The following AKAP12 variants were observed in gnomAD, a reference collection of about 807,000 sequenced individuals.
AKAP12 encodes A-kinase anchor protein 12.
AKAP12 carries 32 observed loss-of-function variants against 79.9 expected under a neutral mutation model. The observed-to-expected ratio is 0.40, with a 90% CI of 0.30 to 0.54. The LOEUF is 0.54. Ranked by LOEUF, AKAP12 falls within the 20% of genes least tolerant of loss-of-function variation. The pLI is 0.48. For missense variants in AKAP12, 2,074 were observed against 2,177.0 expected, an observed-to-expected ratio of 0.95 and a Z score of 0.94; for synonymous variants, 808 against 857.0, an observed-to-expected ratio of 0.94 and a Z score of 1.00.
In AKAP12 at chr6:151,353,430, G is replaced by T. The variant is rs757099617; in HGVS notation, c.5039G>T (p.Gly1680Val). 1 of 1,614,066 alleles carries T rather than the reference G, an allele frequency of 6.2e-7. No homozygotes were observed. Among genetic ancestry groups the T allele is most frequent in the African/African-American group, 1.3e-5 (1 of 74,916 alleles). ...AGTKSVPEDD[G>V]HALLAERIEK... ...ACAAAGTCTGTGCCAGAAGATGATGGTCATGCCTTGTTAGCAGAAAGAATA... is the reference window on the plus strand; with the variant it reads ...ACAAAGTCTGTGCCAGAAGATGATGTTCATGCCTTGTTAGCAGAAAGAATA... The change falls in exon 4 of 5, where the codon GGT becomes GTT. Residue 1680 changes from glycine (G) to valine (V), a missense_variant. Transcript: ENST00000402676.
intron 2 of AKAP12, chr6:151,280,683 G>GTTGCCCAGGCTGGAGGGACACA (rs1776386852): frequency 1.2e-5 from 1 of 85,186 alleles, no homozygotes; most frequent in African/African-American, 4.7e-5. Flanking sequence ...CCTTCCTCTT[G>GTTGCCCAGGCTGGAGGGACACA]TTGCCCAGGC....
At position 151,351,153 on chromosome 6, in the gene AKAP12, C is replaced by G. The variant is rs751635965; in HGVS notation, c.2762C>G (p.Pro921Arg). 1.2e-6 allele frequency: 2 copies of G among 1,614,086 alleles called. No individual in the cohort carries two copies. Among genetic ancestry groups the G allele is most frequent in the African/African-American group, 1.3e-5 (1 of 74,912 alleles). ...PSWISASVTE[P>R]LEQVEAEAAL... The stretch of plus-strand genomic sequence containing the variant: ...TGGATATCTGCTTCAGTGACAGAAC[C>G]TCTTGAACAAGTAGAAGCTGAAGCC... Residue 921 changes from proline to arginine, a missense_variant, in exon 4 of 5, where the codon CCT (proline) becomes CGT (arginine). Transcript: ENST00000402676. This position sits in a 1 kb window ranked among gnomAD's most constrained non-coding sequence, Gnocchi z 4.4.
At chr6:151,290,627 T>C (rs1302648742) in intron 2 of AKAP12, among the ~76,000 whole-genome samples, 1 of 151,248 alleles carries the variant, frequency 6.6e-6, no homozygotes, top group East Asian at 1.9e-4. Context: ...TTTTTTGAGA[T>C]GGAGTTTCAC....
Position 151,350,172 on chromosome 6 carries a change from A to C in AKAP12, c.1781A>C (p.Glu594Ala). Reference protein sequence around the residue: ...AEVQQDGEAEEGATSDGEKKR... With the variant: ...AEVQQDGEAEAGATSDGEKKR... ...GTGCAGCAGGATGGGGAAGCTGAAG[A>C]AGGAGCTACTTCCGATGGAGAGAAA... Residue 594 changes from glutamate (E) to alanine (A), a missense_variant, in exon 4 of 5, where the codon GAA (glutamate) becomes GCA (alanine). Glu to Ala is a moderately radical substitution (Grantham distance 107). This residue lies in a region of AKAP12 where 1,428 missense variants were observed against 1,451.0 expected (regional missense o/e 0.98). Coordinates refer to ENST00000402676, the MANE Select transcript of AKAP12 (RefSeq NM_005100.4). The surrounding 1 kb of genome is among the most constrained non-coding windows in gnomAD (Gnocchi z 4.8). 6.2e-7 allele frequency: 1 copy of C among 1,614,002 alleles called. No individual in the cohort carries two copies. The highest frequency in any genetic ancestry group is 1.1e-5 in the South Asian group (1 of 91,060).
intron 2 of AKAP12, among the ~76,000 whole-genome samples, chr6:151,304,319 T>C (rs1200219735): frequency 1.3e-5 from 2 of 151,094 alleles, no homozygotes; most frequent in South Asian, 2.1e-4. Context: ...GCAAACCACG[T>C]CTCTACTAAA....
Position 151,348,807 on chromosome 6 carries a change from A to G in AKAP12, c.416A>G (p.Gln139Arg). ...GTTCACGACATCACAGATGATGGGC[A>G]GGAGGAGACACCCGAAATAATCGAA... ...AVVHDITDDG[Q>R]EETPEIIEQI... is the part of the protein sequence containing the mutation. The change falls in exon 4 of 5, where the codon CAG (glutamine) becomes CGG (arginine). Residue 139 changes from glutamine (Q) to arginine (R), a missense_variant. Physicochemically the swap from Gln to Arg is conservative, Grantham distance 43. Transcript: ENST00000402676. The G allele has an allele frequency of 6.2e-7, 1 of 1,613,978 alleles. No individual in the cohort carries two copies. The highest frequency in any genetic ancestry group is 8.5e-7 in the Non-Finnish European group (1 of 1,180,016).
chr6:151,327,645 A>T (rs1398237362), intron 3 of AKAP12, among the ~76,000 whole-genome samples: 1 of 152,234 alleles, frequency 6.6e-6, no homozygotes, highest in Non-Finnish European at 1.5e-5. Flanking sequence ...AAAGGTTAAT[A>T]AACTGGGAGC....
At chr6:151,344,330 C>T (rs1228530043) in intron 3 of AKAP12, among the ~76,000 whole-genome samples, 2 of 152,088 alleles carry the variant, frequency 1.3e-5, no homozygotes, top group African/African-American at 4.8e-5. Context: ...GAAGCAAAGG[C>T]CCTTATTGAG....
intron 3 of AKAP12, among the ~76,000 whole-genome samples, chr6:151,315,610 C>A (rs1410380417): frequency 1.3e-5 from 2 of 152,166 alleles, no homozygotes; most frequent in African/African-American, 4.8e-5. Flanking sequence ...GAGTGTAAAA[C>A]AATTTCAGTG....
rs1406204789 is a variant in AKAP12, at chr6:151,358,450, A to AT, written c.*2738dup. 6.6e-6 allele frequency: 1 copy of AT among 152,234 alleles called. No individual in the cohort carries two copies. Among genetic ancestry groups the AT allele is most frequent in the Non-Finnish European group, 1.5e-5 (1 of 68,040 alleles). The allele number at this position is 152,234 out of a possible 1,614,324, so 9.4% of individuals were successfully genotyped here. A position where few individuals can be genotyped will look rare whatever the true frequency, so the allele number is the denominator to read the frequency against. Reference sequence around the variant, plus strand: ...TTCAATATAAGCTTCCAGCTTAGCAATTACCTCTAGTCGAAGACAATATTT... The same window carrying AT: ...TTCAATATAAGCTTCCAGCTTAGCAATTTACCTCTAGTCGAAGACAATATTT... On this transcript the variant is annotated 3_prime_UTR_variant, in exon 5 of 5. Transcript: ENST00000402676.
At chr6:151,266,937 A>G (rs1295602433) in intron 2 of AKAP12, among the ~76,000 whole-genome samples, 1 of 148,662 alleles carries the variant, frequency 6.7e-6, no homozygotes, top group African/African-American at 2.5e-5. Flanking sequence ...GAATGGCGTG[A>G]ACCCGGGAGG....
At chr6:151,304,488 CAAAAAAAAAAAA>C (rs1157088954) in intron 2 of AKAP12, among the ~76,000 whole-genome samples, 57 of 46,008 alleles carry the variant, frequency 1.2e-3, no homozygotes, top group Admixed American at 4.6e-3. Context: ...CACTCCATCT[CAAAAAAAAAAAA>C]AAAAAAAAAA....
At chr6:151,326,177 C>G (rs1777519231) in intron 3 of AKAP12, among the ~76,000 whole-genome samples, 1 of 152,112 alleles carries the variant, frequency 6.6e-6, no homozygotes, top group South Asian at 2.1e-4. Context: ...TGTACCCTTC[C>G]CCTTAGGGAG....
At chr6:151,332,985 TG>T (rs1455059825) in intron 3 of AKAP12, among the ~76,000 whole-genome samples, 23 of 152,224 alleles carry the variant, frequency 1.5e-4, no homozygotes, top group Non-Finnish European at 2.6e-4. Context: ...AACTATACAT[TG>T]TGTGGAAAAG....
intron 2 of AKAP12, among the ~76,000 whole-genome samples, chr6:151,271,707 T>A (rs1055693773): frequency 1.3e-5 from 2 of 152,288 alleles, no homozygotes; most frequent in African/African-American, 4.8e-5. Flanking sequence ...TCGCCCAGGC[T>A]GGAGTGCAGT....
At chr6:151,320,194 G>A (rs1466759898) in intron 3 of AKAP12, among the ~76,000 whole-genome samples, 1 of 152,096 alleles carries the variant, frequency 6.6e-6, no homozygotes, top group Non-Finnish European at 1.5e-5. Context: ...AAAGTAGCCT[G>A]CTTTATTGCA....
intron 2 of AKAP12, among the ~76,000 whole-genome samples, chr6:151,241,187 C>G (rs1258892949): frequency 6.6e-6 from 1 of 152,222 alleles, no homozygotes; most frequent in Non-Finnish European, 1.5e-5. Flanking sequence ...GCCCAGCCAC[C>G]CTCGGGTTCC....
At chr6:151,307,840 A>G (rs1268495209) in intron 3 of AKAP12, among the ~76,000 whole-genome samples, 1 of 151,976 alleles carries the variant, frequency 6.6e-6, no homozygotes, top group Non-Finnish European at 1.5e-5. Context: ...CAAATCCCCC[A>G]TGCAGGAAGG....
In AKAP12 at chr6:151,350,218, C is replaced by T; in HGVS notation, c.1827C>T (p.Pro609=). 1.9e-6 allele frequency: 3 copies of T among 1,613,930 alleles called. No individual in the cohort carries two copies. The highest frequency in any genetic ancestry group is 2.5e-6 in the Non-Finnish European group (3 of 1,179,974). ...AGAAAAAAAGAGAAGGTGTCACTCC[C>T]TGGGCATCATTCAAAAAGATGGTGA... ...DGEKKREGVT[P]WASFKKMVTP... Residue 609 remains proline, a synonymous_variant, in exon 4 of 5, where the codon CCC becomes CCT. Transcript: ENST00000402676. The surrounding 1 kb of genome is among the most constrained non-coding windows in gnomAD (Gnocchi z 4.8).
Sources: allele counts gnomAD v4.1 joint callset (sites outside exome capture counted in the v4.1 genomes callset), GRCh38; gene constraint gnomAD v4.1.1; regional missense constraint gnomAD v4.1.1; non-coding constraint Gnocchi (gnomAD v3.1); transcripts MANE v1.5; gene names NCBI Gene and HGNC (gene_info 2026-07-23, HGNC 2026-07-21).